Variants in APBB2 observed in about 807,000 individuals in gnomAD.
APBB2 encodes Fe65-like 1.
Under a neutral mutation model 82.5 loss-of-function variants are expected in APBB2, and 38 were observed. The observed-to-expected ratio is 0.46, with a 90% confidence interval of 0.36 to 0.60. The LOEUF (loss-of-function observed/expected upper bound fraction) is 0.60. Among genes scored for constraint, APBB2 ranks in the 20% least tolerant of loss-of-function variants. The pLI is 0.00. For synonymous variants in APBB2, 341 were observed against 368.2 expected (o/e 0.93, Z 0.85); for missense variants, 772 against 972.3 (o/e 0.79, Z 2.74).
chr4:40,877,719 G>A (rs191623417), intron 12 of APBB2, among the ~76,000 whole-genome samples: 3 of 152,304 alleles, frequency 2.0e-5, no homozygotes, highest in Admixed American at 2.0e-4. Flanking sequence ...GTTGAAGATT[G>A]AGACTTGCAG....
In APBB2 at chr4:40,830,545, G is replaced by A; in HGVS notation, c.1562C>T (p.Thr521Ile). ...DFAYVARDKDTRILKCHVFRC... is the reference protein window; with the variant it reads ...DFAYVARDKDIRILKCHVFRC... ...AAATACATGACATTTCAAAATTCTT[G>A]TATCTTTATCTCTTGCTACATAAGC... The change falls in exon 13 of 18, where the codon ACA (threonine) becomes ATA (isoleucine). Residue 521 changes from threonine (T) to isoleucine (I), a missense_variant. Physicochemically the swap from Thr to Ile is moderately conservative, Grantham distance 89. Coordinates refer to ENST00000508593, the MANE Select transcript of APBB2 (RefSeq NM_004307.2). The A allele has an allele frequency of 6.2e-7, 1 of 1,613,964 alleles. No homozygotes were observed. The highest frequency in any genetic ancestry group is 1.1e-5 in the South Asian group (1 of 91,086).
Position 40,945,087 on chromosome 4 carries a change from G to C in APBB2, c.836-14C>G. The C allele has an allele frequency of 8.5e-7, 1 of 1,178,078 alleles. No individual in the cohort carries two copies. Among genetic ancestry groups the C allele is most frequent in the Non-Finnish European group, 1.2e-6 (1 of 829,382 alleles). The allele number at this position is 1,178,078 out of a possible 1,614,324, so 73.0% of individuals were successfully genotyped here. On this transcript the variant is annotated splice_polypyrimidine_tract_variant and intron_variant, in intron 6 of 17. Transcript: ENST00000508593. Reference sequence around the variant, plus strand: ...TCCATATATCTGCTGAAAAATTGGGGGGCGGGGCGGGGGGAGAAAGAGAGA... The same window carrying C: ...TCCATATATCTGCTGAAAAATTGGGCGGCGGGGCGGGGGGAGAAAGAGAGA...
intron 4 of APBB2, among the ~76,000 whole-genome samples, chr4:41,037,095 T>C (rs1719496096): frequency 6.6e-6 from 1 of 152,218 alleles, no homozygotes; most frequent in African/African-American, 2.4e-5. Context: ...TTAATTTAAA[T>C]ACAGATTTAT....
intron 12 of APBB2, among the ~76,000 whole-genome samples, chr4:40,833,463 G>C (rs929498218): frequency 1.2e-4 from 19 of 152,158 alleles, no homozygotes; most frequent in Admixed American, 1.0e-3. Context: ...GCCTAGCCCA[G>C]CTCAACGGTC....
intron 13 of APBB2, among the ~76,000 whole-genome samples, chr4:40,827,892 T>C (rs552090562): frequency 1.2e-4 from 19 of 152,300 alleles, no homozygotes; most frequent in African/African-American, 3.4e-4. Context: ...CGATGTGTTA[T>C]GGGAGGGACC....
chr4:41,163,182 C>T (rs956470712), intron 1 of APBB2, among the ~76,000 whole-genome samples: 25 of 152,102 alleles, frequency 1.6e-4, no homozygotes, highest in African/African-American at 6.0e-4. Context: ...GGGATGATTC[C>T]GGCAGATTTT....
intron 6 of APBB2, among the ~76,000 whole-genome samples, chr4:40,983,600 CG>C: frequency 6.7e-6 from 1 of 150,222 alleles, no homozygotes; most frequent in East Asian, 2.0e-4. Flanking sequence ...TTTTTAAAGA[CG>C]GAGTCTCACT....
intron 5 of APBB2, among the ~76,000 whole-genome samples, chr4:41,016,277 T>C (rs17588627): frequency 0.27 from 40,350 of 152,180 alleles, 6,552 homozygotes; most frequent in East Asian, 0.54. Flanking sequence ...TTGTTTATAA[T>C]CATACATATT....
At chr4:40,848,773 C>T (rs1169157172) in intron 12 of APBB2, among the ~76,000 whole-genome samples, 3 of 144,732 alleles carry the variant, frequency 2.1e-5, no homozygotes, top group Non-Finnish European at 4.5e-5. Flanking sequence ...CCGAAACATA[C>T]AAGCCCGCCC....
intron 12 of APBB2, among the ~76,000 whole-genome samples, chr4:40,861,179 T>C (rs938558955): frequency 2.0e-5 from 3 of 151,918 alleles, no homozygotes; most frequent in African/African-American, 7.3e-5. Flanking sequence ...GGTGGAACCC[T>C]GTCTCTACTA....
chr4:40,892,283 T>TGA (rs1772278951), intron 11 of APBB2: 1 of 152,188 alleles, frequency 6.6e-6, no homozygotes, highest in South Asian at 2.1e-4. Flanking sequence ...GATAATGCGG[T>TGA]GAGAGAGGAC....
chr4:41,086,942 AC>A (rs1560716108), intron 3 of APBB2, among the ~76,000 whole-genome samples: 42,672 of 147,932 alleles, frequency 0.29, 6,460 homozygotes, highest in East Asian at 0.64. Context: ...ACACACACAC[AC>A]ACACACAAAA....
At chr4:40,878,241 G>A (rs909525280) in intron 12 of APBB2, among the ~76,000 whole-genome samples, 1 of 152,114 alleles carries the variant, frequency 6.6e-6, no homozygotes, top group African/African-American at 2.4e-5. Flanking sequence ...CAGCTACTCA[G>A]GAGGCTGAGG....
At chr4:41,077,057 T>A (rs1431457008) in intron 3 of APBB2, among the ~76,000 whole-genome samples, 1 of 150,868 alleles carries the variant, frequency 6.6e-6, no homozygotes, top group Non-Finnish European at 1.5e-5. Context: ...CAGGCTGGAG[T>A]GCAGTGGTAT....
At chr4:41,109,454 C>G (rs914794889) in intron 2 of APBB2, among the ~76,000 whole-genome samples, 8 of 151,890 alleles carry the variant, frequency 5.3e-5, no homozygotes, top group African/African-American at 1.9e-4. Flanking sequence ...CCACGCCCAG[C>G]TAATTTTTGG....
At chr4:41,129,160 G>A (rs902470897) in intron 2 of APBB2, among the ~76,000 whole-genome samples, 13 of 152,062 alleles carry the variant, frequency 8.5e-5, no homozygotes, top group Admixed American at 7.2e-4. Flanking sequence ...AACCCATAAA[G>A]CAGGAAGAGC....
intron 6 of APBB2, among the ~76,000 whole-genome samples, chr4:40,965,296 TA>T (rs986062198): frequency 2.0e-5 from 3 of 152,208 alleles, no homozygotes; most frequent in African/African-American, 7.2e-5. Context: ...GCTTACAATT[TA>T]AGTCCAAAAC....
chr4:40,880,516 T>C (rs1325839090), intron 12 of APBB2: 1 of 985,322 alleles, frequency 1.0e-6, no homozygotes, highest in African/African-American at 1.7e-5. Flanking sequence ...GTTATCATGG[T>C]TATGACTTCC....
intron 1 of APBB2, among the ~76,000 whole-genome samples, chr4:41,165,613 AT>A (rs1034487102): frequency 3.9e-5 from 6 of 152,088 alleles, no homozygotes; most frequent in African/African-American, 1.4e-4. Context: ...GTGCTTAGCA[AT>A]TCCAGAGCGG....
Sources: gnomAD v4.1 joint callset for allele counts (sites outside exome capture counted in the v4.1 genomes callset) on GRCh38, gnomAD v4.1.1 for gene constraint, MANE v1.5 for transcripts, NCBI Gene and HGNC (gene_info 2026-07-23, HGNC 2026-07-21) for gene names.